The following EIF1AY variants were observed in gnomAD, a reference collection of about 807,000 sequenced individuals.
EIF1AY encodes the protein eukaryotic translation initiation factor 1A Y-linked.
For synonymous variants in EIF1AY, 16 were observed against 9.9 expected, an observed-to-expected ratio of 1.62 and a Z score of -1.16; for missense variants, 19 against 30.6, an observed-to-expected ratio of 0.62 and a Z score of 0.89.
chrY:20,588,154 T>G (rs1285252567), intron 5 of EIF1AY, 49 bp downstream of exon 5: 1 of 259,750 alleles, frequency 3.8e-6, no homozygotes, highest in East Asian at 1.1e-4. Flanking sequence ...TTAATGTTTG[T>G]TGGTATTTAG....
chrY:20,591,411 G>T, intron 6 of EIF1AY, among the ~76,000 whole-genome samples: 1 of 33,481 alleles, frequency 3.0e-5, no homozygotes, highest in South Asian at 6.7e-4. Context: ...AAAGGAGGCA[G>T]TCAGCTATGC....
chrY:20,585,434 T>C, intron 4 of EIF1AY, among the ~76,000 whole-genome samples: 1 of 34,053 alleles, frequency 2.9e-5, no homozygotes, highest in Non-Finnish European at 7.3e-5. Flanking sequence ...TTTCTACTCA[T>C]GGAATTCATC....
At chrY:20,588,621 C>T (rs2089356518) in intron 5 of EIF1AY, 1 of 33,953 alleles carries the variant, frequency 2.9e-5, no homozygotes, top group Non-Finnish European at 7.3e-5. Flanking sequence ...TGCATACTTA[C>T]TGCCGAAAGC....
chrY:20,580,404 A>G lies in EIF1AY; in HGVS notation c.100+713A>G, dbSNP rs756659107. Among the ~76,000 whole-genome samples, 5 of 33,404 alleles carry G rather than the reference A, an allele frequency of 1.5e-4. No homozygotes were observed. In the East Asian group the frequency reaches 3.1e-3, roughly 21 times the overall value. 89.6% of individuals were successfully genotyped at this position (33,404 alleles called of 37,273 possible). A position where few individuals can be genotyped will look rare whatever the true frequency, so the allele number is the denominator to read the frequency against. On this transcript the variant is annotated intron_variant, in intron 2 of 6. Coordinates refer to ENST00000361365, the MANE Select transcript of EIF1AY (RefSeq NM_004681.4). ...TCTTCAATGCAGCTAGCACATAATCATAAAATGTAATACAATTCTAATAAT... is the reference window on the plus strand; with the variant it reads ...TCTTCAATGCAGCTAGCACATAATCGTAAAATGTAATACAATTCTAATAAT...
chrY:20,581,441 C>T (rs904758435), intron 2 of EIF1AY, among the ~76,000 whole-genome samples: 7 of 32,059 alleles, frequency 2.2e-4, no homozygotes, highest in African/African-American at 8.7e-4. Context: ...AAGCAGTTCT[C>T]CTGCCTCAGC....
intron 1 of EIF1AY, 82 bp from the exon 2 acceptor site, chrY:20,579,526 C>T (rs2089348894): frequency 5.6e-6 from 1 of 178,252 alleles, no homozygotes; most frequent in African/African-American, 8.8e-5. Context: ...CTTCAAAAGC[C>T]TTATTTTGTT....
At chrY:20,579,913 G>A (rs13447379) in intron 2 of EIF1AY, among the ~76,000 whole-genome samples, 1 of 32,348 alleles carries the variant, frequency 3.1e-5, no homozygotes, top group Non-Finnish European at 7.5e-5. Flanking sequence ...CGGATTCGAT[G>A]GAAGCATTTT....
chrY:20,586,072 G>T (rs2089354366), intron 4 of EIF1AY, among the ~76,000 whole-genome samples: 1 of 32,258 alleles, frequency 3.1e-5, no homozygotes, highest in Non-Finnish European at 7.6e-5. Context: ...AATACTTTGA[G>T]CATTCAGCCA....
chrY:20,582,705 G>A lies in EIF1AY; in HGVS notation c.204+12G>A. 2.7e-6 allele frequency: 1 copy of A among 365,668 alleles called. No homozygotes were observed. The highest frequency in any genetic ancestry group is 3.9e-6 in the Non-Finnish European group (1 of 258,586). 91.2% of individuals were successfully genotyped at this position (365,668 alleles called of 400,897 possible). On this transcript the variant is annotated intron_variant, in intron 3 of 6. Transcript: ENST00000361365. ...AATTGAGAAAAAAGGTAGGTGTGTA[G>A]GTTACTTTTCAATAAAAATTTGCCG...
chrY:20,589,233 G>A, intron 5 of EIF1AY: 2 of 97,327 alleles, frequency 2.1e-5, no homozygotes, highest in South Asian at 1.4e-4. Flanking sequence ...CACCATCTCA[G>A]CTCCCTGCAT....
chrY:20,577,541 A>C, intron 1 of EIF1AY, among the ~76,000 whole-genome samples: 1 of 32,256 alleles, frequency 3.1e-5, no homozygotes, highest in South Asian at 6.9e-4. Flanking sequence ...ACACAAAAGA[A>C]GTATAGTGGC....
At chrY:20,587,859 G>C in intron 4 of EIF1AY, 165 bp from the exon 5 acceptor site, 2 of 128,330 alleles carry the variant, frequency 1.6e-5, no homozygotes, top group South Asian at 1.2e-4. Flanking sequence ...TCAGACTCAA[G>C]AATTTTTTTC....
chrY:20,589,804 G>A, intron 6 of EIF1AY, among the ~76,000 whole-genome samples: 1 of 33,455 alleles, frequency 3.0e-5, no homozygotes, highest in Non-Finnish European at 7.4e-5. Flanking sequence ...CCAGTTTGAT[G>A]CAGCACTGAA....
rs754816600 is a variant in EIF1AY at position 20,577,568 on chromosome Y, C to T, written c.16+1681C>T. On this transcript the variant is annotated intron_variant, in intron 1 of 6. Transcript: ENST00000361365. ...TATAGTGGCCGGGCGCGGTGGCTCA[C>T]GCGTGTAATCCCAGCACCTTGGAGG... Among the ~76,000 whole-genome samples, 127 of 31,657 alleles carry T rather than the reference C, an allele frequency of 4.0e-3. No homozygotes were observed. The East Asian group carries it at 0.1, about 26-fold the overall frequency. 84.9% of individuals were successfully genotyped at this position (31,657 alleles called of 37,273 possible).
intron 4 of EIF1AY, chrY:20,587,489 C>T: frequency 3.1e-5 from 1 of 32,635 alleles, no homozygotes; most frequent in Non-Finnish European, 7.5e-5. Flanking sequence ...GGGGTTTCAT[C>T]ATGTTAGCCA....
At chrY:20,583,665 C>G (rs2089352577) in intron 3 of EIF1AY, among the ~76,000 whole-genome samples, 1 of 33,120 alleles carries the variant, frequency 3.0e-5, no homozygotes, top group African/African-American at 1.2e-4. Flanking sequence ...CATTCATGAG[C>G]GATCAGCTGT....
rs2089360256 is a variant in EIF1AY at position 20,593,080 on chromosome Y, T to G, written c.*734T>G. 2.9e-5 allele frequency: 1 copy of G among 34,071 alleles called. No homozygotes were observed. Among genetic ancestry groups the G allele is most frequent in the Non-Finnish European group, 7.3e-5 (1 of 13,691 alleles). The allele number at this position is 34,071 out of a possible 400,897, so 8.5% of individuals were successfully genotyped here. On this transcript the variant is annotated 3_prime_UTR_variant, in exon 7 of 7. Coordinates refer to ENST00000361365, the MANE Select transcript of EIF1AY (RefSeq NM_004681.4). ...TCAAAAGTTATTCATTGTAATCCAC[T>G]GTTTTGGCTTTCATGAACAAGTAAA...
At chrY:20,590,118 G>T (rs2089358124) in intron 6 of EIF1AY, among the ~76,000 whole-genome samples, 1 of 30,218 alleles carries the variant, frequency 3.3e-5, no homozygotes, top group Admixed American at 3.1e-4. Context: ...GAGAGTGTGT[G>T]TGTGTGTGTG....
chrY:20,582,303 C>T (rs2089351188), intron 2 of EIF1AY, among the ~76,000 whole-genome samples: 1 of 32,550 alleles, frequency 3.1e-5, no homozygotes, highest in Non-Finnish European at 7.5e-5. Flanking sequence ...CTCTGCCTCC[C>T]GAGTTCAAGC....
Sources: allele counts gnomAD v4.1 joint callset (sites outside exome capture counted in the v4.1 genomes callset), GRCh38; gene constraint gnomAD v4.1.1; transcripts MANE v1.5; gene names NCBI Gene and HGNC (gene_info 2026-07-23, HGNC 2026-07-21).